Variants in DPP6 observed in about 807,000 individuals in gnomAD.
DPP6 encodes A-type potassium channel modulatory protein DPP6.
Under a neutral mutation model 122.6 loss-of-function variants are expected in DPP6, and 69 were observed. That is an observed-to-expected ratio of 0.56 (90% CI 0.46 to 0.69). The LOEUF (loss-of-function observed/expected upper bound fraction) is 0.69, where lower values mean the gene tolerates loss of function less well. Among genes scored for constraint, DPP6 ranks in the 30% least tolerant of loss-of-function variants. The probability of loss-of-function intolerance (pLI) is 0.00; values close to 1 mark genes in which losing one functional copy is unlikely to be tolerated. For synonymous variants in DPP6, 418 were observed against 433.1 expected (o/e 0.97, Z 0.43); for missense variants, 928 against 1,116.9 (o/e 0.83, Z 2.41).
chr7:154,662,878 T>A (rs1266664904), intron 6 of DPP6, among the ~76,000 whole-genome samples: 1 of 50,220 alleles, frequency 2.0e-5, no homozygotes, highest in African/African-American at 4.9e-5. Flanking sequence ...AGTGTTCATA[T>A]AGTCATGGTG....
At chr7:153,900,004 C>T (rs1799574839) in intron 1 of DPP6, among the ~76,000 whole-genome samples, 1 of 152,148 alleles carries the variant, frequency 6.6e-6, no homozygotes, top group Non-Finnish European at 1.5e-5. Context: ...AGAGTGGTTC[C>T]CAACATGATG....
intron 1 of DPP6, among the ~76,000 whole-genome samples, chr7:154,074,099 A>G (rs1803351812): frequency 1.3e-5 from 2 of 150,988 alleles, no homozygotes; most frequent in East Asian, 3.9e-4. Flanking sequence ...AGAGATCTAT[A>G]TAGAGATAGA....
At chr7:154,639,201 ACG>A (rs1234130422) in intron 6 of DPP6, among the ~76,000 whole-genome samples, 1 of 152,246 alleles carries the variant, frequency 6.6e-6, no homozygotes, top group Non-Finnish European at 1.5e-5. Context: ...CAAAGGGAAG[ACG>A]CATGTGGATC....
intron 5 of DPP6, among the ~76,000 whole-genome samples, chr7:154,571,095 T>C (rs996818412): frequency 6.6e-6 from 1 of 152,232 alleles, no homozygotes; most frequent in African/African-American, 2.4e-5. Context: ...CATTTCTCAG[T>C]GTACACTTCC....
intron 20 of DPP6, among the ~76,000 whole-genome samples, chr7:154,879,925 G>A (rs1423777070): frequency 1.3e-5 from 2 of 152,202 alleles, no homozygotes; most frequent in African/African-American, 4.8e-5. Flanking sequence ...GCGCACGCCA[G>A]GAAATCTCTT....
intron 1 of DPP6, among the ~76,000 whole-genome samples, chr7:154,080,855 C>T (rs1803945538): frequency 6.6e-6 from 1 of 152,092 alleles, no homozygotes; most frequent in South Asian, 2.1e-4. Flanking sequence ...CTGCATGGAA[C>T]CTGGGATTGG....
chr7:153,807,241 C>T, the DPP6 span, among the ~76,000 whole-genome samples: 8 of 151,566 alleles, frequency 5.3e-5, no homozygotes, highest in Non-Finnish European at 7.4e-5. Context: ...GGTGAAACCC[C>T]GTCTCTACTA....
At chr7:154,180,431 A>C (rs1798018640) in intron 1 of DPP6, among the ~76,000 whole-genome samples, 1 of 143,324 alleles carries the variant, frequency 7.0e-6, no homozygotes, top group South Asian at 2.1e-4. Flanking sequence ...ATAATATATA[A>C]TATATATACA....
intron 3 of DPP6, among the ~76,000 whole-genome samples, chr7:154,524,642 G>C (rs1205897640): frequency 3.3e-5 from 5 of 152,148 alleles, no homozygotes; most frequent in Non-Finnish European, 7.4e-5. Context: ...CATGGCAATA[G>C]CAGAACCCAA....
At chr7:154,080,596 G>A (rs1803918737) in intron 1 of DPP6, among the ~76,000 whole-genome samples, 1 of 152,120 alleles carries the variant, frequency 6.6e-6, no homozygotes, top group Non-Finnish European at 1.5e-5. Flanking sequence ...TAAGCCTTGG[G>A]TCTGGGAGTA....
At chr7:154,219,737 C>T (rs1800197413) in intron 1 of DPP6, among the ~76,000 whole-genome samples, 1 of 152,122 alleles carries the variant, frequency 6.6e-6, no homozygotes, top group East Asian at 1.9e-4. Flanking sequence ...AGGTGCCTGC[C>T]ACCACACCTG....
chr7:154,805,876 C>T (rs942980374), intron 15 of DPP6, among the ~76,000 whole-genome samples: 4 of 152,202 alleles, frequency 2.6e-5, no homozygotes, highest in African/African-American at 9.7e-5. Flanking sequence ...CCAGTTACAC[C>T]TAAAGGCACC....
the DPP6 span, among the ~76,000 whole-genome samples, chr7:153,874,533 G>C: frequency 2.0e-5 from 3 of 152,022 alleles, no homozygotes; most frequent in Admixed American, 6.6e-5. Context: ...GTGCCACTGT[G>C]CCCAGCTAAT....
chr7:153,927,335 C>T (rs1041732652), intron 1 of DPP6, among the ~76,000 whole-genome samples: 1 of 152,082 alleles, frequency 6.6e-6, no homozygotes, highest in Non-Finnish European at 1.5e-5. Context: ...GTAAATAAAT[C>T]ATAAAAATAA....
intron 1 of DPP6, among the ~76,000 whole-genome samples, chr7:154,043,924 T>C (rs935868973): frequency 1.4e-5 from 2 of 145,866 alleles, no homozygotes; most frequent in African/African-American, 5.1e-5. Context: ...AATTTGGGTA[T>C]TGCTGGGTTA....
chr7:154,620,629 GT>G (rs760391125), intron 5 of DPP6, among the ~76,000 whole-genome samples: 1 of 152,082 alleles, frequency 6.6e-6, no homozygotes, highest in African/African-American at 2.4e-5. Flanking sequence ...CTCTGAATGA[GT>G]TTTTTTTCCT....
chr7:154,060,718 G>GT (rs1563151116), intron 1 of DPP6, among the ~76,000 whole-genome samples: 9 of 75,216 alleles, frequency 1.2e-4, no homozygotes, highest in East Asian at 8.0e-4. Context: ...CCATCGCAGG[G>GT]GGGGAGGCAC....
intron 1 of DPP6, among the ~76,000 whole-genome samples, chr7:154,071,444 C>T (rs1234723473): frequency 6.6e-6 from 1 of 152,236 alleles, no homozygotes; most frequent in Admixed American, 6.5e-5. Flanking sequence ...GTATTCCTTC[C>T]ACTGCCCTGG....
intron 1 of DPP6, among the ~76,000 whole-genome samples, chr7:154,342,767 C>T (rs1459148959): frequency 6.6e-6 from 1 of 152,130 alleles, no homozygotes; most frequent in Non-Finnish European, 1.5e-5. Flanking sequence ...CTTCCAAATG[C>T]GAGATTCCAA....
Sources: allele counts gnomAD v4.1 joint callset (sites outside exome capture counted in the v4.1 genomes callset), GRCh38; gene constraint gnomAD v4.1.1; transcripts MANE v1.5; gene names NCBI Gene and HGNC (gene_info 2026-07-23, HGNC 2026-07-21).